Variants in DRAM2 observed in about 807,000 individuals in gnomAD.
The protein encoded by DRAM2 is DNA damage-regulated autophagy modulator protein 2.
DRAM2 carries 26 observed loss-of-function variants against 33.5 expected under a neutral mutation model. The ratio of observed to expected loss-of-function variants is 0.78; its 90% CI spans 0.57 to 1.08. The LOEUF is 1.08. DRAM2 is among the 50% of genes least tolerant of loss of function. DRAM2 has a pLI of 0.00. For synonymous variants in DRAM2, 98 were observed against 109.5 expected (o/e 0.89, Z 0.66); for missense variants, 311 against 318.1 (o/e 0.98, Z 0.17).
At chr1:111,135,383 C>G (rs535448543) in intron 3 of DRAM2, among the ~76,000 whole-genome samples, 1 of 152,266 alleles carries the variant, frequency 6.6e-6, no homozygotes, top group East Asian at 1.9e-4. Flanking sequence ...CTTCTGCTAT[C>G]AGCCAAATGC....
intron 5 of DRAM2, 100 bp from the exon 6 acceptor site, chr1:111,124,981 G>A: frequency 2.0e-5 from 19 of 934,050 alleles, no homozygotes; most frequent in Admixed American, 6.2e-5. Flanking sequence ...CAGAATCACA[G>A]ATTTTCCTTT....
chr1:111,129,290 A>C (rs1651607989), intron 4 of DRAM2, among the ~76,000 whole-genome samples: 2 of 152,200 alleles, frequency 1.3e-5, no homozygotes, highest in Non-Finnish European at 2.9e-5. Context: ...AATAGCAACA[A>C]AATTTGGCAT....
At position 111,137,126 on chromosome 1, in the gene DRAM2, G is replaced by A. The variant is rs574683996; in HGVS notation, c.-15+397C>T. The stretch of plus-strand genomic sequence containing the variant: ...AAATTAGCCGGGCGAGGTGGTGGGC[G>A]CCTGTAGTCCCAGCTACTCGGGACG... On this transcript the variant is annotated intron_variant, in intron 3 of 9. Coordinates refer to ENST00000484310, the MANE Select transcript of DRAM2 (RefSeq NM_001349884.2). Among the ~76,000 whole-genome samples, 402 of 151,876 alleles carry A rather than the reference G, an allele frequency of 2.6e-3. 2 individuals carry two copies. Among genetic ancestry groups the A allele is most frequent in the African/African-American group, 9.1e-3 (376 of 41,408 alleles).
At chr1:111,118,328 A>G (rs902880954) in intron 9 of DRAM2, 61 bp from the exon 10 acceptor site, 1 of 1,111,732 alleles carries the variant, frequency 9.0e-7, no homozygotes. Flanking sequence ...TCACTCCTTC[A>G]ATATGTTCTA....
intron 9 of DRAM2, 28 bp from the exon 10 acceptor site, chr1:111,118,295 G>C (rs1014015217): frequency 6.6e-7 from 1 of 1,517,820 alleles, no homozygotes; most frequent in African/African-American, 1.4e-5. Flanking sequence ...ATTATATATA[G>C]AAGTTTGCTC....
At chr1:111,139,229 G>A (rs567645597) in intron 2 of DRAM2, 2 of 152,274 alleles carry the variant, frequency 1.3e-5, no homozygotes, top group African/African-American at 4.8e-5. Context: ...AGTTGCATTT[G>A]GTTACTGATT....
In DRAM2 at chr1:111,132,199, A is replaced by G. The variant is rs538136641; in HGVS notation, c.-14-631T>C. Among the ~76,000 whole-genome samples the G allele has an allele frequency of 3.9e-5, 6 of 152,318 alleles. No individual in the cohort carries two copies. In the East Asian group the frequency reaches 1.2e-3, roughly 29 times the overall value. On this transcript the variant is annotated intron_variant, in intron 3 of 9. Transcript: ENST00000484310. ...ATCATGCCTGTGTAATGAGGCACCCATAAAAACCCAAATGGACTGGGTTCA... is the reference window on the plus strand; with the variant it reads ...ATCATGCCTGTGTAATGAGGCACCCGTAAAAACCCAAATGGACTGGGTTCA...
At chr1:111,124,933 A>C in intron 5 of DRAM2, 52 bp from the exon 6 acceptor site, 1 of 1,567,628 alleles carries the variant, frequency 6.4e-7, no homozygotes. Flanking sequence ...TCAAGAAATA[A>C]AGTTGCCAAT....
At chr1:111,132,001 G>C (rs560932936) in intron 3 of DRAM2, among the ~76,000 whole-genome samples, 1 of 152,288 alleles carries the variant, frequency 6.6e-6, no homozygotes, top group African/African-American at 2.4e-5. Context: ...TAAAACGCTT[G>C]GAATCTCCAG....
chr1:111,139,788 T>A (rs1253753765), intron 1 of DRAM2, 122 bp from the exon 2 acceptor site: 1 of 152,722 alleles, frequency 6.5e-6, no homozygotes, highest in African/African-American at 2.4e-5. Context: ...TGAGCCCAGC[T>A]GCACTCATCC....
chr1:111,137,730 G>C (rs1403246686), intron 2 of DRAM2, 144 bp from the exon 3 acceptor site: 1 of 152,164 alleles, frequency 6.6e-6, no homozygotes, highest in East Asian at 1.9e-4. Context: ...TTTCTTTGAT[G>C]AGTTGACACT....
rs959772188 is a variant in DRAM2, at chr1:111,117,167, A to G, written c.*993T>C. The stretch of plus-strand genomic sequence containing the variant: ...CACTGTTTTTGTAGATGCATGTATC[A>G]CACTTATTTTGCATGTAGTTTAATT... On this transcript the variant is annotated 3_prime_UTR_variant, in exon 10 of 10. Transcript: ENST00000484310. 4.5e-4 allele frequency among the ~76,000 whole-genome samples: 69 copies of G among 152,144 alleles called. No individual in the cohort carries two copies. The highest frequency in any genetic ancestry group is 2.0e-4 in the Admixed American group (3 of 15,274).
At chr1:111,131,114 T>A (rs900145228) in intron 4 of DRAM2, among the ~76,000 whole-genome samples, 2 of 152,218 alleles carry the variant, frequency 1.3e-5, no homozygotes, top group East Asian at 3.8e-4. Flanking sequence ...TAGCATTTAT[T>A]TTTTAATTTT....
At chr1:111,122,964 C>T (rs970305915) in intron 6 of DRAM2, among the ~76,000 whole-genome samples, 1 of 152,106 alleles carries the variant, frequency 6.6e-6, no homozygotes, top group African/African-American at 2.4e-5. Context: ...GGAAAGGCGG[C>T]TTGTGTGGGT....
At chr1:111,132,133 C>T (rs1056017177) in intron 3 of DRAM2, among the ~76,000 whole-genome samples, 5 of 152,128 alleles carry the variant, frequency 3.3e-5, no homozygotes, top group African/African-American at 9.7e-5. Context: ...CCTCCATCCC[C>T]AATTCCAGGA....
chr1:111,120,628 A>G lies in DRAM2; in HGVS notation c.405T>C (p.Tyr135=). Residue 135 remains tyrosine, a synonymous_variant, in exon 7 of 10, where the codon TAT becomes TAC. Transcript: ENST00000484310. ...AVLTFGMGSL[Y]MFVQTILSYQ... is the part of the protein sequence containing the mutation. ...AGGAAAGGATGGTCTGAACAAACAT[A>G]TATAATGAGCCCATACCAAAGGTAA... The G allele has an allele frequency of 6.2e-7, 1 of 1,611,526 alleles. No homozygotes were observed. The highest frequency in any genetic ancestry group is 8.5e-7 in the Non-Finnish European group (1 of 1,178,520).
At chr1:111,136,342 G>A (rs1653134497) in intron 3 of DRAM2, among the ~76,000 whole-genome samples, 1 of 152,178 alleles carries the variant, frequency 6.6e-6, no homozygotes, top group Admixed American at 6.5e-5. Flanking sequence ...GAGGCAGGCG[G>A]ATCACGAGGT....
intron 9 of DRAM2, 152 bp downstream of exon 9, chr1:111,118,653 G>C (rs949770761): frequency 1.7e-6 from 1 of 575,372 alleles, no homozygotes; most frequent in African/African-American, 2.0e-5. Context: ...CAATTCACCT[G>C]AAAAGTTACA....
chr1:111,122,189 G>C (rs1318096539), intron 6 of DRAM2, among the ~76,000 whole-genome samples: 1 of 152,062 alleles, frequency 6.6e-6, no homozygotes, highest in Non-Finnish European at 1.5e-5. Context: ...TAAACCTGTA[G>C]AACTTTAAGC....
Sources: gnomAD v4.1 joint callset for allele counts (sites outside exome capture counted in the v4.1 genomes callset) on GRCh38, gnomAD v4.1.1 for gene constraint, MANE v1.5 for transcripts, NCBI Gene and HGNC (gene_info 2026-07-23, HGNC 2026-07-21) for gene names.